The following NCOR1 variants were observed in gnomAD, a reference collection of about 807,000 sequenced individuals.
The protein encoded by NCOR1 is nuclear receptor corepressor 1.
In NCOR1, 63 loss-of-function variants were observed where a neutral mutation model predicts 288.1. The observed-to-expected ratio is 0.22, with a 90% CI of 0.18 to 0.27. The LOEUF (loss-of-function observed/expected upper bound fraction) is 0.27. Ranked by LOEUF, NCOR1 falls within the 10% of genes least tolerant of loss-of-function variation. The probability of loss-of-function intolerance (pLI) is 1.00; values close to 1 mark genes in which losing one functional copy is unlikely to be tolerated. For missense variants in NCOR1, 2,397 were observed against 3,019.2 expected (o/e 0.79, Z 4.83); for synonymous variants, 1,007 against 1,065.9 (o/e 0.94, Z 1.08).
In NCOR1 at chr17:16,032,222, A is replaced by G. The variant is rs1972142622; in HGVS notation, c.*74T>C. 1 of 1,431,006 alleles carries G rather than the reference A, an allele frequency of 7.0e-7. No individual in the cohort carries two copies. Among genetic ancestry groups the G allele is most frequent in the Non-Finnish European group, 9.2e-7 (1 of 1,082,268 alleles). 88.6% of individuals were successfully genotyped at this position (1,431,006 alleles called of 1,614,324 possible). A position where few individuals can be genotyped will look rare whatever the true frequency, so the allele number is the denominator to read the frequency against. On this transcript the variant is annotated 3_prime_UTR_variant, in exon 46 of 46. Transcript: ENST00000268712. ...TAAGTCACAGGAGGGCAGGTTTTTG[A>G]CCTGCTACTAAAAATTAAACCACAA...
rs771531803 is a variant in NCOR1, at chr17:16,121,103, C to G, written c.1801G>C (p.Ala601Pro). The change falls in exon 16 of 46, where the codon GCA becomes CCA. Residue 601 changes from alanine to proline, a missense_variant. Transcript: ENST00000268712. ...GGTGGGGGCTCTTCAGTAGCCGCTG[C>G]GGCTGCAGCACTGGCAGCTGCAGCT... ...NEAAAASAAA[A>P]AATEEPPPPL... 6.2e-7 allele frequency: 1 copy of G among 1,614,050 alleles called. No homozygotes were observed. The highest frequency in any genetic ancestry group is 8.5e-7 in the Non-Finnish European group (1 of 1,179,964).
intron 3 of NCOR1, among the ~76,000 whole-genome samples, chr17:16,181,917 A>G (rs2085562587): frequency 6.6e-6 from 1 of 152,190 alleles, no homozygotes; most frequent in Non-Finnish European, 1.5e-5. Context: ...AAAAAAGAGA[A>G]TGGCAAAAGT....
intron 23 of NCOR1, among the ~76,000 whole-genome samples, chr17:16,081,487 A>T (rs1380028444): frequency 1.3e-5 from 2 of 152,118 alleles, no homozygotes; most frequent in African/African-American, 4.8e-5. Flanking sequence ...AACTCTATGG[A>T]AGTGTTGAAA....
intron 15 of NCOR1, 118 bp from the exon 16 acceptor site, chr17:16,121,387 C>CAAAA (rs11410605): frequency 9.1e-6 from 5 of 552,176 alleles, no homozygotes; most frequent in African/African-American, 5.9e-5. Context: ...ATCTCTCACT[C>CAAAA]AAAAAAAAAA....
At chr17:16,110,627 G>A (rs1301895490) in intron 18 of NCOR1, among the ~76,000 whole-genome samples, 1 of 152,158 alleles carries the variant, frequency 6.6e-6, no homozygotes, top group African/African-American at 2.4e-5. Context: ...CCTCTGTCTT[G>A]TGCCCCTTAC....
rs568436809 is a variant in NCOR1 at position 16,168,155 on chromosome 17, A to G, written c.436-2994T>C. Reference sequence around the variant, plus strand: ...AAATTAACAATCTTTTTGTTAAACAATAGACATGTGGTGTCAGCAAGGATA... The same window carrying G: ...AAATTAACAATCTTTTTGTTAAACAGTAGACATGTGGTGTCAGCAAGGATA... On this transcript the variant is annotated intron_variant, in intron 4 of 45. Coordinates refer to ENST00000268712, the MANE Select transcript of NCOR1 (RefSeq NM_006311.4). Among the ~76,000 whole-genome samples the G allele has an allele frequency of 2.6e-4, 39 of 152,290 alleles. No individual in the cohort carries two copies. In the East Asian group the frequency reaches 6.8e-3, roughly 26 times the overall value.
intron 6 of NCOR1, among the ~76,000 whole-genome samples, chr17:16,155,438 T>G (rs1304194918): frequency 6.6e-6 from 1 of 151,338 alleles, no homozygotes; most frequent in African/African-American, 2.4e-5. Context: ...CCAACAATAA[T>G]CACTTTTCTA....
In NCOR1 at chr17:16,057,739, TGTGA is replaced by T; in HGVS notation, c.6169-6_6169-3del. On this transcript the variant is annotated splice_region_variant and splice_polypyrimidine_tract_variant and intron_variant, in intron 39 of 45. Transcript: ENST00000268712. ...AGCAAAATCTTGTGTGATAATTTGCTGTGAATGAGAAATGAAGGAAGTGGTAAAA... is the reference window on the plus strand; with the variant it reads ...AGCAAAATCTTGTGTGATAATTTGCTATGAGAAATGAAGGAAGTGGTAAAA... 12 of 1,613,374 alleles carry T rather than the reference TGTGA, an allele frequency of 7.4e-6. No homozygotes were observed. The highest frequency in any genetic ancestry group is 1.0e-5 in the Non-Finnish European group (12 of 1,179,532).
chr17:16,076,863 T>C (rs2062539309), intron 26 of NCOR1, among the ~76,000 whole-genome samples: 1 of 152,126 alleles, frequency 6.6e-6, no homozygotes, highest in Non-Finnish European at 1.5e-5. Context: ...ATATGACAAG[T>C]ATGCTCAGCA....
At chr17:16,112,957 C>A (rs868328471) in intron 18 of NCOR1, among the ~76,000 whole-genome samples, 6 of 152,172 alleles carry the variant, frequency 3.9e-5, no homozygotes, top group Admixed American at 6.5e-5. Flanking sequence ...GTCGCCTAGG[C>A]TGGAGTGCAG....
chr17:16,053,234 AG>A (rs1449016187), intron 40 of NCOR1, among the ~76,000 whole-genome samples: 11 of 152,340 alleles, frequency 7.2e-5, no homozygotes, highest in African/African-American at 2.4e-4. Context: ...GCATCCAAAT[AG>A]GAAGAAAGGA....
At chr17:16,078,539 G>A (rs2062885882) in intron 26 of NCOR1, among the ~76,000 whole-genome samples, 1 of 151,868 alleles carries the variant, frequency 6.6e-6, no homozygotes, top group African/African-American at 2.4e-5. Flanking sequence ...GTATTAGCTT[G>A]CTGTTAAAAC....
chr17:16,098,335 ATTTAGTT>A, intron 21 of NCOR1, 25 bp downstream of exon 21: 2 of 1,605,462 alleles, frequency 1.2e-6, no homozygotes, highest in Non-Finnish European at 1.7e-6. Context: ...AGTTTTTCAT[ATTTAGTT>A]TTCTTCCTCA....
In NCOR1 at chr17:16,046,942, C is replaced by A; in HGVS notation, c.6679+9G>T. ...TTTATTTGGGGTTCATGAAAGAAAT[C>A]CCACTTACCCATATCAGAGTCACCT... On this transcript the variant is annotated intron_variant, in intron 42 of 45. Transcript: ENST00000268712. The A allele has an allele frequency of 6.2e-7, 1 of 1,610,758 alleles. No homozygotes were observed. The highest frequency in any genetic ancestry group is 8.5e-7 in the Non-Finnish European group (1 of 1,178,940).
In NCOR1 at chr17:16,058,570, C is replaced by T. The variant is rs970987519; in HGVS notation, c.5911G>A (p.Asp1971Asn). The change falls in exon 38 of 46, where the codon GAT (aspartate) becomes AAT (asparagine). Residue 1971 changes from aspartate (D) to asparagine (N), a missense_variant. By Grantham distance (23) the Asp-to-Asn change is conservative. Coordinates refer to ENST00000268712, the MANE Select transcript of NCOR1 (RefSeq NM_006311.4). ...GCAGGACTTATCACCTCAATAGCATCGCTAGGTGTTTCATACCTGTGAGAA... is the reference window on the plus strand; with the variant it reads ...GCAGGACTTATCACCTCAATAGCATTGCTAGGTGTTTCATACCTGTGAGAA... ...LSSHRYETPS[D>N]AIEVISPASS... 1.9e-6 allele frequency: 3 copies of T among 1,611,968 alleles called. No individual in the cohort carries two copies. Among genetic ancestry groups the T allele is most frequent in the South Asian group, 2.2e-5 (2 of 90,764 alleles).
chr17:16,115,931 C>T (rs774736135), intron 18 of NCOR1, among the ~76,000 whole-genome samples: 2 of 152,102 alleles, frequency 1.3e-5, no homozygotes, highest in South Asian at 2.1e-4. Flanking sequence ...TGTATTAGTC[C>T]GTTTTCACGC....
intron 30 of NCOR1, 124 bp from the exon 31 acceptor site, chr17:16,070,649 A>G (rs2061641883): frequency 1.5e-5 from 19 of 1,297,738 alleles, no homozygotes; most frequent in Non-Finnish European, 1.8e-5. Context: ...CTGTTTACAA[A>G]TCTCAATCAC....
At chr17:16,215,230 C>T (rs116639184) in intron 1 of NCOR1, 132 bp downstream of exon 1, 14,935 of 381,156 alleles carry the variant, frequency 0.039, 385 homozygotes, top group African/African-American at 0.092. Flanking sequence ...CGGGTCCCGA[C>T]CTGCCCAGGC....
chr17:16,162,664 T>C (rs2081100659), intron 5 of NCOR1, among the ~76,000 whole-genome samples: 1 of 152,058 alleles, frequency 6.6e-6, no homozygotes, highest in African/African-American at 2.4e-5. Flanking sequence ...TTAATAAATA[T>C]ATCTTTTAAT....
Sources: gnomAD v4.1 joint callset for allele counts (sites outside exome capture counted in the v4.1 genomes callset) on GRCh38, gnomAD v4.1.1 for gene constraint, MANE v1.5 for transcripts, NCBI Gene and HGNC (gene_info 2026-07-23, HGNC 2026-07-21) for gene names.